Variants in INTS4 observed in about 807,000 individuals in gnomAD.
The protein encoded by INTS4 is integrator complex subunit 4.
In INTS4, 70 loss-of-function variants were observed where a neutral mutation model predicts 119.5. The observed-to-expected ratio is 0.59, with a 90% confidence interval of 0.48 to 0.71. INTS4 has a LOEUF of 0.71. Among genes scored for constraint, INTS4 ranks in the 30% least tolerant of loss-of-function variants. INTS4 has a pLI of 0.00. For missense variants in INTS4, 867 were observed against 1,173.2 expected, an observed-to-expected ratio of 0.74 and a Z score of 3.81; for synonymous variants, 316 against 419.6, an observed-to-expected ratio of 0.75 and a Z score of 3.02.
intron 22 of INTS4, among the ~76,000 whole-genome samples, chr11:77,882,908 TA>T (rs1330629434): frequency 1.3e-5 from 2 of 151,914 alleles, no homozygotes; most frequent in African/African-American, 4.8e-5. Context: ...CTGTCTCTAC[TA>T]AAATACAAAA....
At chr11:77,940,904 GGATTACAGGTGT>G (rs746024276) in intron 9 of INTS4, among the ~76,000 whole-genome samples, 142 of 152,054 alleles carry the variant, frequency 9.3e-4, no homozygotes, top group Non-Finnish European at 1.7e-3. Flanking sequence ...CAAAGTGCTG[GGATTACAGGTGT>G]GAGCCACTGC....
At chr11:77,918,026 G>A in intron 15 of INTS4, 1 of 702,102 alleles carries the variant, frequency 1.4e-6, no homozygotes, top group East Asian at 2.7e-5. Flanking sequence ...GGGTGGAGAT[G>A]ATACCTTTCT....
At chr11:77,891,526 C>CT in intron 20 of INTS4, 64 bp from the exon 21 acceptor site, 2 of 1,594,864 alleles carry the variant, frequency 1.3e-6, no homozygotes, top group Non-Finnish European at 8.6e-7. Context: ...GAAAACGCAT[C>CT]TTTTTTCTGT....
intron 4 of INTS4, among the ~76,000 whole-genome samples, chr11:77,966,727 T>A (rs1194793880): frequency 6.6e-6 from 1 of 152,222 alleles, no homozygotes; most frequent in Non-Finnish European, 1.5e-5. Context: ...TGCCTCTGGC[T>A]TTGTTCTTTT....
At chr11:77,964,610 A>T (rs1007083239) in intron 4 of INTS4, among the ~76,000 whole-genome samples, 20 of 151,608 alleles carry the variant, frequency 1.3e-4, no homozygotes, top group African/African-American at 4.6e-4. Context: ...AATAAAAATA[A>T]AAATTATTAT....
chr11:77,964,656 T>C (rs963922239), intron 4 of INTS4, among the ~76,000 whole-genome samples: 2 of 151,342 alleles, frequency 1.3e-5, no homozygotes, highest in South Asian at 4.2e-4. Context: ...ATAATGATTA[T>C]ACTATTACAT....
chr11:77,931,557 C>G (rs1953649665), intron 10 of INTS4, among the ~76,000 whole-genome samples: 1 of 152,116 alleles, frequency 6.6e-6, no homozygotes, highest in Non-Finnish European at 1.5e-5. Flanking sequence ...ATATTTCATG[C>G]CTGTATCAAA....
intron 4 of INTS4, among the ~76,000 whole-genome samples, chr11:77,971,240 C>T (rs2136616415): frequency 6.6e-6 from 1 of 152,082 alleles, no homozygotes; most frequent in East Asian, 1.9e-4. Flanking sequence ...GATCTTTTGC[C>T]CATGTTAGTT....
chr11:77,991,313 A>G lies in INTS4; in HGVS notation c.55-14T>C, dbSNP rs996506658. The G allele has an allele frequency of 2.5e-6, 4 of 1,600,112 alleles. No homozygotes were observed. Among genetic ancestry groups the G allele is most frequent in the Non-Finnish European group, 3.4e-6 (4 of 1,169,442 alleles). On this transcript the variant is annotated splice_polypyrimidine_tract_variant and intron_variant, in intron 1 of 22. Coordinates refer to ENST00000534064, the MANE Select transcript of INTS4 (RefSeq NM_033547.4). ...TTCCTCCTGTGGCTGCAAGGGGTAG[A>G]GAAAATCGAAAACACAGAATCTGCA...
In INTS4 at chr11:77,953,694, C is replaced by T. The variant is rs192822320; in HGVS notation, c.918+2248G>A. ...TGCCTCCCAGGTTCAAGTGATCCTCCCACCTCAGCCTCCAGAATAGCTGGG... is the reference window on the plus strand; with the variant it reads ...TGCCTCCCAGGTTCAAGTGATCCTCTCACCTCAGCCTCCAGAATAGCTGGG... On this transcript the variant is annotated intron_variant, in intron 8 of 22. Coordinates refer to ENST00000534064, the MANE Select transcript of INTS4 (RefSeq NM_033547.4). Among the ~76,000 whole-genome samples the T allele has an allele frequency of 4.6e-3, 696 of 152,260 alleles. 9 individuals are homozygous for T. The highest frequency in any genetic ancestry group is 0.016 in the African/African-American group (649 of 41,538).
chr11:77,927,949 C>T (rs1953549209), intron 11 of INTS4, among the ~76,000 whole-genome samples: 1 of 152,102 alleles, frequency 6.6e-6, no homozygotes, highest in Admixed American at 6.6e-5. Flanking sequence ...ACCAGTGTCA[C>T]TTCTCCTTTA....
chr11:77,891,829 G>A lies in INTS4; in HGVS notation c.2300C>T (p.Ala767Val), dbSNP rs766961443. 2 of 1,611,444 alleles carry A rather than the reference G, an allele frequency of 1.2e-6. No homozygotes were observed. The highest frequency in any genetic ancestry group is 1.7e-6 in the Non-Finnish European group (2 of 1,179,442). Residue 767 changes from alanine to valine, a missense_variant, in exon 20 of 23, where the codon GCT (alanine) becomes GTT (valine). Ala to Val is a moderately conservative substitution (Grantham distance 64). Coordinates refer to ENST00000534064, the MANE Select transcript of INTS4 (RefSeq NM_033547.4). ...EVDFFQRYFI[A>V]DLPHLQDSFV... ...GCTGTCCTGCAAGTGGGGCAAATCA[G>A]CGATGAAATACCTGGAGGAACAAAC...
At chr11:77,941,584 C>T (rs1401250130) in intron 8 of INTS4, among the ~76,000 whole-genome samples, 2 of 152,062 alleles carry the variant, frequency 1.3e-5, no homozygotes, top group African/African-American at 4.8e-5. Context: ...CTGCCTCAGC[C>T]TCCTGAGTAG....
chr11:77,911,126 G>A, intron 15 of INTS4: 1 of 1,229,900 alleles, frequency 8.1e-7, no homozygotes, highest in Admixed American at 3.0e-5. Context: ...ATGCCTCCTG[G>A]GGACTTTGAC....
downstream of INTS4, chr11:77,876,953 C>G (rs1288099797): frequency 5.7e-6 from 4 of 703,182 alleles, no homozygotes; most frequent in Admixed American, 4.0e-5. Context: ...TGTCTAGGCT[C>G]CAACCCAGCA....
intron 8 of INTS4, among the ~76,000 whole-genome samples, chr11:77,954,905 C>CT (rs933350601): frequency 4.7e-4 from 72 of 151,598 alleles, no homozygotes; most frequent in Non-Finnish European, 3.1e-4. Flanking sequence ...ATGGGAAAAA[C>CT]TTTTTTTTTA....
In INTS4 at chr11:77,933,506, G is replaced by C. The variant is rs564880489; in HGVS notation, c.1166-4959C>G. Among the ~76,000 whole-genome samples the C allele has an allele frequency of 3.3e-5, 5 of 152,302 alleles. No individual in the cohort carries two copies. In the South Asian group the frequency reaches 8.3e-4, roughly 25 times the overall value. On this transcript the variant is annotated intron_variant, in intron 10 of 22. Transcript: ENST00000534064. ...CTCCTGAGGTGCTGGGATTGCAGAC[G>C]GAGTCTCGCTAATTCAGTGCTCAAT... is the stretch of plus-strand genomic sequence containing the variant.
chr11:77,957,750 T>C (rs1202310845), intron 7 of INTS4, among the ~76,000 whole-genome samples: 1 of 137,402 alleles, frequency 7.3e-6, no homozygotes. Context: ...CTCACCACAA[T>C]CTCCACTTCC....
chr11:77,923,307 C>T (rs1452521649), intron 12 of INTS4, among the ~76,000 whole-genome samples: 1 of 104,872 alleles, frequency 9.5e-6, no homozygotes, highest in African/African-American at 4.2e-5. Context: ...TAAAGAGAGA[C>T]TCTGTCTCAA....
Sources: allele counts gnomAD v4.1 joint callset (sites outside exome capture counted in the v4.1 genomes callset), GRCh38; gene constraint gnomAD v4.1.1; transcripts MANE v1.5; gene names NCBI Gene and HGNC (gene_info 2026-07-23, HGNC 2026-07-21).